Variants in SMIM36 observed in about 807,000 individuals in gnomAD.
SMIM36 encodes the protein small integral membrane protein 36.
At chr17:55,452,085 A>G (rs898645226) in intron 4 of SMIM36, among the ~76,000 whole-genome samples, 1 of 140,490 alleles carries the variant, frequency 7.1e-6, no homozygotes, top group Non-Finnish European at 1.5e-5. Flanking sequence ...GGGTGACAGC[A>G]TAAGACTCAA....
At chr17:55,500,818 T>C (rs867778208) in intron 1 of SMIM36, among the ~76,000 whole-genome samples, 35 of 51,694 alleles carry the variant, frequency 6.8e-4, no homozygotes, top group South Asian at 2.4e-3. Context: ...TATAATATAT[T>C]ATATTTTATA....
intron 4 of SMIM36, among the ~76,000 whole-genome samples, chr17:55,464,612 A>G (rs570492243): frequency 7.9e-5 from 12 of 152,360 alleles, no homozygotes; most frequent in African/African-American, 2.9e-4. Flanking sequence ...TAAAAGGCAC[A>G]GGATAAGAAA....
chr17:55,508,431 A>ATATATATAT (rs1910118591), intron 1 of SMIM36, among the ~76,000 whole-genome samples: 1 of 114,338 alleles, frequency 8.7e-6, no homozygotes, highest in African/African-American at 3.5e-5. Context: ...TATTCCTAGG[A>ATATATATAT]ATATATATAT....
At chr17:55,477,991 G>T (rs1224230257) in intron 3 of SMIM36, among the ~76,000 whole-genome samples, 1 of 151,948 alleles carries the variant, frequency 6.6e-6, no homozygotes, top group African/African-American at 2.4e-5. Context: ...GGGAGATAAG[G>T]CTCTGCCAGC....
intron 1 of SMIM36, among the ~76,000 whole-genome samples, chr17:55,500,215 C>A (rs1909884190): frequency 6.6e-6 from 1 of 151,942 alleles, no homozygotes; most frequent in African/African-American, 2.4e-5. Context: ...GCCTCAAATT[C>A]CTTGGCTCAA....
chr17:55,465,050 C>T lies in SMIM36; in HGVS notation c.*531+2095G>A, dbSNP rs191647170. ...CTGCCGGGAAATACCAAGATCATCT[C>T]GGACTACATGAATAGAAGTGTACAG... On this transcript the variant is annotated intron_variant, in intron 4 of 4. Transcript: ENST00000636752. Among the ~76,000 whole-genome samples, 5 of 152,292 alleles carry T rather than the reference C, an allele frequency of 3.3e-5. No homozygotes were observed. In the East Asian group the frequency reaches 7.7e-4, roughly 23 times the overall value.
intron 1 of SMIM36, among the ~76,000 whole-genome samples, chr17:55,502,626 A>G (rs200085546): frequency 0.058 from 5,403 of 93,384 alleles, 391 homozygotes; most frequent in African/African-American, 0.23. Context: ...GATGGGGAAA[A>G]AACAGAACAG....
chr17:55,531,622 G>A, the SMIM36 span, among the ~76,000 whole-genome samples: 5 of 152,192 alleles, frequency 3.3e-5, no homozygotes, highest in South Asian at 1.0e-3. Context: ...CGTACCGAAA[G>A]AAATCAATGT....
chr17:55,480,974 A>T (rs1341378254), intron 1 of SMIM36, among the ~76,000 whole-genome samples: 2 of 152,210 alleles, frequency 1.3e-5, no homozygotes, highest in African/African-American at 2.4e-5. Flanking sequence ...TTACAGTCAT[A>T]GTAAAAAACT....
At chr17:55,452,102 CA>C (rs1156887430) in intron 4 of SMIM36, among the ~76,000 whole-genome samples, 25 of 51,754 alleles carry the variant, frequency 4.8e-4, no homozygotes, top group Admixed American at 1.4e-3. Flanking sequence ...TCAATCTCTA[CA>C]AAAAAAAAAA....
chr17:55,515,086 G>GTT (rs1158864125), upstream of SMIM36, among the ~76,000 whole-genome samples: 3,140 of 53,930 alleles, frequency 0.058, 717 homozygotes, highest in Non-Finnish European at 0.075. Flanking sequence ...CTAGTCTAGT[G>GTT]TTTTTTTTTT....
the SMIM36 span, chr17:55,526,835 A>ACTTCC: frequency 6.6e-6 from 1 of 151,844 alleles, no homozygotes; most frequent in Non-Finnish European, 1.5e-5. Flanking sequence ...TCCCCACTTC[A>ACTTCC]AGGAACTGTT....
the SMIM36 span, chr17:55,527,756 C>T: frequency 6.6e-6 from 1 of 152,294 alleles, no homozygotes; most frequent in East Asian, 1.9e-4. Context: ...CTCTTGTAGT[C>T]CATTTTACAG....
the SMIM36 span, among the ~76,000 whole-genome samples, chr17:55,522,983 G>C: frequency 6.6e-6 from 1 of 152,030 alleles, no homozygotes; most frequent in Non-Finnish European, 1.5e-5. Context: ...AGGAAATAAT[G>C]GTGATAAAAA....
chr17:55,501,388 AATATATT>A (rs1395119951), intron 1 of SMIM36, among the ~76,000 whole-genome samples: 9 of 71,432 alleles, frequency 1.3e-4, no homozygotes, highest in South Asian at 4.3e-4. Flanking sequence ...TATAGAATAT[AATATATT>A]ATATATTATT....
chr17:55,513,442 A>G (rs1338695654), upstream of SMIM36, among the ~76,000 whole-genome samples: 2 of 152,232 alleles, frequency 1.3e-5, no homozygotes, highest in Admixed American at 6.5e-5. Flanking sequence ...AGGCAGATCT[A>G]CAGGAAAAGT....
intron 3 of SMIM36, among the ~76,000 whole-genome samples, chr17:55,478,371 C>G (rs1909462272): frequency 6.6e-6 from 1 of 151,822 alleles, no homozygotes; most frequent in Non-Finnish European, 1.5e-5. Context: ...GTAGCTGGGA[C>G]TACAGGTGCC....
chr17:55,460,939 T>A (rs868368384), intron 4 of SMIM36, among the ~76,000 whole-genome samples: 3 of 152,136 alleles, frequency 2.0e-5, no homozygotes, highest in Non-Finnish European at 2.9e-5. Flanking sequence ...CCTAAGCACA[T>A]ATAGTGAACA....
the SMIM36 span, among the ~76,000 whole-genome samples, chr17:55,532,030 A>G: frequency 6.6e-6 from 1 of 152,204 alleles, no homozygotes; most frequent in Non-Finnish European, 1.5e-5. Flanking sequence ...TAAAATTGAA[A>G]TAAGATATTG....
Sources: gnomAD v4.1 joint callset for allele counts (sites outside exome capture counted in the v4.1 genomes callset) on GRCh38, gnomAD v4.1.1 for gene constraint, MANE v1.5 for transcripts, NCBI Gene and HGNC (gene_info 2026-07-23, HGNC 2026-07-21) for gene names.